The following GALNT13 variants were observed in gnomAD, a reference collection of about 807,000 sequenced individuals.
GALNT13 encodes polypeptide N-acetylgalactosaminyltransferase 13.
GALNT13 carries 28 observed loss-of-function variants against 64.2 expected under a neutral mutation model. The ratio of observed to expected loss-of-function variants is 0.44; its 90% CI spans 0.32 to 0.60. The LOEUF (loss-of-function observed/expected upper bound fraction) is 0.60. Ranked by LOEUF, GALNT13 falls within the 20% of genes least tolerant of loss-of-function variation. The pLI, the probability that GALNT13 is intolerant of heterozygous loss-of-function variation, is 0.05. For synonymous variants in GALNT13, 214 were observed against 224.6 expected (o/e 0.95, Z 0.42); for missense variants, 577 against 669.8 (o/e 0.86, Z 1.53).
chr2:153,401,600 C>G, the GALNT13 span, among the ~76,000 whole-genome samples: 2 of 151,168 alleles, frequency 1.3e-5, no homozygotes, highest in Non-Finnish European at 2.9e-5. Flanking sequence ...CTTTATGAAT[C>G]TGGGTGCCCC....
chr2:154,420,155 A>G (rs755971720), intron 11 of GALNT13, among the ~76,000 whole-genome samples: 1 of 152,144 alleles, frequency 6.6e-6, no homozygotes, highest in Admixed American at 6.6e-5. Flanking sequence ...ACACGTAGAC[A>G]CAAAGGCGTA....
At chr2:153,405,136 T>C in the GALNT13 span, among the ~76,000 whole-genome samples, 3 of 152,214 alleles carry the variant, frequency 2.0e-5, no homozygotes, top group Non-Finnish European at 4.4e-5. Flanking sequence ...AAACTCAACC[T>C]TCCTCCCCAT....
the GALNT13 span, among the ~76,000 whole-genome samples, chr2:153,310,812 T>A: frequency 2.0e-5 from 3 of 152,082 alleles, no homozygotes; most frequent in Admixed American, 2.0e-4. Flanking sequence ...TGCCCAAGGA[T>A]CAGCTATACT....
chr2:153,266,291 C>T, the GALNT13 span, among the ~76,000 whole-genome samples: 1 of 152,202 alleles, frequency 6.6e-6, no homozygotes, highest in Middle Eastern at 3.4e-3. Context: ...AATATTTATT[C>T]GTAGTATTTG....
chr2:153,765,421 G>A, the GALNT13 span, among the ~76,000 whole-genome samples: 18 of 152,190 alleles, frequency 1.2e-4, no homozygotes, highest in Non-Finnish European at 1.3e-4. Context: ...TTTTGGACTT[G>A]CATGGGACCT....
intron 3 of GALNT13, among the ~76,000 whole-genome samples, chr2:153,956,018 C>T (rs866748321): frequency 6.6e-6 from 1 of 152,198 alleles, no homozygotes; most frequent in Non-Finnish European, 1.5e-5. Context: ...AAAACAAAAC[C>T]CAAAATCCAT....
chr2:153,926,795 C>T (rs759374238), intron 2 of GALNT13, among the ~76,000 whole-genome samples: 31 of 152,048 alleles, frequency 2.0e-4, no homozygotes, highest in South Asian at 1.2e-3. Flanking sequence ...AAATTTAGTC[C>T]GTATCACTAT....
chr2:153,154,142 C>A, the GALNT13 span, among the ~76,000 whole-genome samples: 2 of 151,978 alleles, frequency 1.3e-5, no homozygotes, highest in Admixed American at 1.3e-4. Context: ...TGTCCTCACC[C>A]AAATCTCATT....
chr2:153,562,060 C>CTCTGTGTGTGTGTGTGTG, the GALNT13 span, among the ~76,000 whole-genome samples: 1,358 of 118,812 alleles, frequency 0.011, 7 homozygotes, highest in Non-Finnish European at 0.016. Flanking sequence ...CTCTCTCTCT[C>CTCTGTGTGTGTGTGTGTG]TGTGTGTGTG....
the GALNT13 span, among the ~76,000 whole-genome samples, chr2:153,735,695 C>T: frequency 6.6e-6 from 1 of 152,174 alleles, no homozygotes; most frequent in Non-Finnish European, 1.5e-5. Context: ...TCCCAGTCCT[C>T]ATTGACATTT....
chr2:153,544,334 C>T, the GALNT13 span, among the ~76,000 whole-genome samples: 9 of 152,142 alleles, frequency 5.9e-5, no homozygotes, highest in Non-Finnish European at 1.2e-4. Flanking sequence ...AACTTTCTTC[C>T]GTTGCTTCTT....
At chr2:153,261,325 A>G in the GALNT13 span, among the ~76,000 whole-genome samples, 2 of 152,054 alleles carry the variant, frequency 1.3e-5, no homozygotes, top group Non-Finnish European at 2.9e-5. Context: ...CTCAGTCTGG[A>G]CTTGTTCTTA....
chr2:154,044,200 A>C (rs924790211), intron 3 of GALNT13, among the ~76,000 whole-genome samples: 2 of 152,220 alleles, frequency 1.3e-5, no homozygotes, highest in Admixed American at 1.3e-4. Flanking sequence ...AAACACGTGA[A>C]GTGAATGGGA....
At chr2:153,436,170 G>A in the GALNT13 span, among the ~76,000 whole-genome samples, 27 of 152,208 alleles carry the variant, frequency 1.8e-4, no homozygotes, top group Non-Finnish European at 2.5e-4. Flanking sequence ...GCATCCCAGG[G>A]ATGAAGCCCA....
At chr2:154,144,500 G>A (rs575183594) in intron 4 of GALNT13, among the ~76,000 whole-genome samples, 12 of 152,214 alleles carry the variant, frequency 7.9e-5, no homozygotes, top group East Asian at 1.9e-4. Flanking sequence ...ATTAATTTAC[G>A]AAGAAGCTGA....
the GALNT13 span, among the ~76,000 whole-genome samples, chr2:153,183,765 G>A: frequency 6.6e-6 from 1 of 152,156 alleles, no homozygotes; most frequent in Non-Finnish European, 1.5e-5. Flanking sequence ...GTTTGTCAAA[G>A]AAAAGATGGT....
At chr2:154,097,690 A>AC (rs1702143638) in intron 3 of GALNT13, among the ~76,000 whole-genome samples, 1 of 102,510 alleles carries the variant, frequency 9.8e-6, no homozygotes, top group Non-Finnish European at 1.9e-5. Context: ...ACCTTGGCTC[A>AC]GAAAAAAAAA....
intron 3 of GALNT13, among the ~76,000 whole-genome samples, chr2:154,105,204 G>A (rs978722302): frequency 8.5e-5 from 13 of 152,072 alleles, no homozygotes; most frequent in African/African-American, 2.4e-4. Context: ...CAGTAGGGCC[G>A]TGATTGTTCA....
the GALNT13 span, among the ~76,000 whole-genome samples, chr2:153,763,540 C>T: frequency 6.3e-4 from 96 of 152,266 alleles, no homozygotes; most frequent in African/African-American, 2.0e-3. Context: ...CCATGTAAGA[C>T]GTGATTTTGC....
Sources: allele counts gnomAD v4.1 joint callset (sites outside exome capture counted in the v4.1 genomes callset), GRCh38; gene constraint gnomAD v4.1.1; transcripts MANE v1.5; gene names NCBI Gene and HGNC (gene_info 2026-07-23, HGNC 2026-07-21).